The following FAAH2 variants were observed in gnomAD, a reference collection of about 807,000 sequenced individuals.
The protein encoded by FAAH2 is fatty acid amide hydrolase 2.
Under a neutral mutation model 36.9 loss-of-function variants are expected in FAAH2, and 60 were observed. The observed-to-expected ratio is 1.63, with a 90% CI of 1.32 to 2.02. The LOEUF (loss-of-function observed/expected upper bound fraction) is 2.02. Among genes scored for constraint, FAAH2 ranks in the 30% most tolerant of loss-of-function variants. The pLI is 0.00. For missense variants in FAAH2, 689 were observed against 397.5 expected, an observed-to-expected ratio of 1.73 and a Z score of -6.23; for synonymous variants, 214 against 143.8, an observed-to-expected ratio of 1.49 and a Z score of -3.49.
At chrX:57,365,688 T>C (rs1319941388) in intron 5 of FAAH2, among the ~76,000 whole-genome samples, 1 of 112,183 alleles carries the variant, frequency 8.9e-6, no homozygotes, top group East Asian at 2.8e-4. Flanking sequence ...CTTTCAGGAA[T>C]GCCATTCAGT....
the FAAH2 span, among the ~76,000 whole-genome samples, chrX:57,203,860 C>A: frequency 9.0e-6 from 1 of 111,530 alleles, no homozygotes; most frequent in South Asian, 3.8e-4. Context: ...TTTATTCTTT[C>A]CCAAATTTTA....
intron 4 of FAAH2, among the ~76,000 whole-genome samples, chrX:57,335,227 GA>G (rs946361760): frequency 4.5e-5 from 5 of 111,604 alleles, no homozygotes; most frequent in Non-Finnish European, 9.4e-5. Flanking sequence ...GAGAGACTTG[GA>G]AAAGAAAGAA....
intron 10 of FAAH2, among the ~76,000 whole-genome samples, chrX:57,470,665 G>C (rs1236710115): frequency 9.0e-6 from 1 of 111,147 alleles, no homozygotes; most frequent in East Asian, 2.8e-4. Context: ...TTCTACCAGA[G>C]GTACAAGGAG....
At chrX:57,465,477 A>G (rs976180061) in intron 10 of FAAH2, among the ~76,000 whole-genome samples, 3 of 111,996 alleles carry the variant, frequency 2.7e-5, no homozygotes, top group Non-Finnish European at 1.9e-5. Flanking sequence ...GAAGGAAACC[A>G]CAATAACAGT....
At chrX:57,263,715 G>A in the FAAH2 span, among the ~76,000 whole-genome samples, 3 of 111,442 alleles carry the variant, frequency 2.7e-5, no homozygotes, top group African/African-American at 9.8e-5. Flanking sequence ...ATATACAATT[G>A]TATCTGTCTA....
At chrX:57,381,413 A>G (rs1231443868) in intron 7 of FAAH2, 7 of 207,925 alleles carry the variant, frequency 3.4e-5, no homozygotes, top group Non-Finnish European at 4.3e-5. Context: ...TACTTTTATA[A>G]TCAGATGAAA....
intron 7 of FAAH2, chrX:57,395,509 C>T (rs1362376794): frequency 8.4e-6 from 3 of 357,318 alleles, no homozygotes; most frequent in Non-Finnish European, 9.9e-6. Flanking sequence ...ATGATGTTGG[C>T]TATGGGTTTG....
chrX:57,481,867 C>A (rs769748191), intron 10 of FAAH2, among the ~76,000 whole-genome samples: 9 of 112,043 alleles, frequency 8.0e-5, no homozygotes, highest in Admixed American at 1.9e-4. Context: ...CTACCCCTTC[C>A]CCCAGATGCT....
intron 3 of FAAH2, among the ~76,000 whole-genome samples, chrX:57,320,054 C>T (rs1156335341): frequency 9.0e-6 from 1 of 111,531 alleles, no homozygotes; most frequent in African/African-American, 3.3e-5. Context: ...GACTTAAAAC[C>T]ATAAAAACCC....
At chrX:57,222,495 C>T in the FAAH2 span, among the ~76,000 whole-genome samples, 1 of 112,134 alleles carries the variant, frequency 8.9e-6, no homozygotes, top group Non-Finnish European at 1.9e-5. Context: ...CTCCGATGGC[C>T]TGCCTGCCTT....
chrX:57,123,958 G>C, the FAAH2 span, among the ~76,000 whole-genome samples: 1 of 111,816 alleles, frequency 8.9e-6, no homozygotes, highest in African/African-American at 3.3e-5. Flanking sequence ...TAGGTTGCCT[G>C]TTCACTCTGA....
chrX:57,468,927 G>C (rs187518296), intron 10 of FAAH2, among the ~76,000 whole-genome samples: 182 of 112,067 alleles, frequency 1.6e-3, no homozygotes, highest in African/African-American at 5.8e-3. Context: ...AACCAGAAGA[G>C]AGTGGGGGCC....
chrX:57,399,032 G>A (rs764510534), intron 7 of FAAH2, among the ~76,000 whole-genome samples: 56 of 111,450 alleles, frequency 5.0e-4, no homozygotes, highest in African/African-American at 1.8e-3. Flanking sequence ...ATCAACATCC[G>A]AGCATGGACT....
At chrX:57,189,679 C>T in the FAAH2 span, among the ~76,000 whole-genome samples, 2 of 111,504 alleles carry the variant, frequency 1.8e-5, no homozygotes, top group Admixed American at 1.9e-4. Context: ...GCTGGAGGTC[C>T]ACTCCAGACC....
chrX:57,355,807 A>G (rs1392323755), intron 5 of FAAH2, among the ~76,000 whole-genome samples: 3 of 111,005 alleles, frequency 2.7e-5, no homozygotes, highest in Non-Finnish European at 5.7e-5. Context: ...TTCTGACTAG[A>G]ACTTTCAGTT....
chrX:57,177,580 ATAT>A, the FAAH2 span, among the ~76,000 whole-genome samples: 4 of 3,166 alleles, frequency 1.3e-3, no homozygotes, highest in African/African-American at 5.5e-3. Flanking sequence ...AAATTTAAAT[ATAT>A]ATATATATAT....
chrX:57,257,233 A>G, the FAAH2 span, among the ~76,000 whole-genome samples: 1 of 112,206 alleles, frequency 8.9e-6, no homozygotes, highest in African/African-American at 3.2e-5. Flanking sequence ...TGATAAAGAC[A>G]CATGCACATG....
chrX:57,428,870 C>T (rs968955958), intron 7 of FAAH2, among the ~76,000 whole-genome samples: 5 of 111,663 alleles, frequency 4.5e-5, no homozygotes, highest in African/African-American at 1.6e-4. Context: ...TGCACAATAC[C>T]AAAAATAGAC....
chrX:57,442,898 G>T (rs1328092107), intron 8 of FAAH2, among the ~76,000 whole-genome samples: 2 of 110,345 alleles, frequency 1.8e-5, no homozygotes, highest in Non-Finnish European at 3.8e-5. Flanking sequence ...TGAAATTCTG[G>T]TTTGAAAATT....
Sources: allele counts gnomAD v4.1 joint callset (sites outside exome capture counted in the v4.1 genomes callset), GRCh38; gene constraint gnomAD v4.1.1; transcripts MANE v1.5; gene names NCBI Gene and HGNC (gene_info 2026-07-23, HGNC 2026-07-21).